The following PHLPP1 variants were observed in gnomAD, a reference collection of about 807,000 sequenced individuals.
The protein encoded by PHLPP1 is PH domain leucine-rich repeat-containing protein phosphatase 1.
In PHLPP1, 42 loss-of-function variants were observed where a neutral mutation model predicts 117.2. That is an observed-to-expected ratio of 0.36 (90% CI 0.28 to 0.46). The LOEUF is 0.46. PHLPP1 is among the 20% of genes least tolerant of loss of function. The pLI is 1.00. For synonymous variants in PHLPP1, 1,042 were observed against 970.7 expected (o/e 1.07, Z -1.37); for missense variants, 2,084 against 2,241.9 (o/e 0.93, Z 1.42).
chr18:62,890,914 A>G (rs964459693), intron 4 of PHLPP1, among the ~76,000 whole-genome samples: 1 of 152,108 alleles, frequency 6.6e-6, no homozygotes, highest in African/African-American at 2.4e-5. Flanking sequence ...TCAAATGGGG[A>G]AAAATATCTA....
At chr18:62,964,055 C>T (rs1487374965) in intron 14 of PHLPP1, among the ~76,000 whole-genome samples, 2 of 151,958 alleles carry the variant, frequency 1.3e-5, no homozygotes, top group South Asian at 2.1e-4. Context: ...TTGATTTTTC[C>T]TGAAAAATGT....
At chr18:62,831,704 G>GT (rs1914762410) in intron 2 of PHLPP1, among the ~76,000 whole-genome samples, 1 of 152,202 alleles carries the variant, frequency 6.6e-6, no homozygotes, top group African/African-American at 2.4e-5. Flanking sequence ...AGTGAAGGAA[G>GT]TAAGACCACA....
intron 1 of PHLPP1, among the ~76,000 whole-genome samples, chr18:62,795,170 T>G (rs1212784522): frequency 6.6e-6 from 1 of 152,102 alleles, no homozygotes; most frequent in Non-Finnish European, 1.5e-5. Flanking sequence ...ACCCTCTAAA[T>G]TTTTTACTTT....
chr18:62,772,974 T>C (rs1202724380), intron 1 of PHLPP1, among the ~76,000 whole-genome samples: 2 of 150,294 alleles, frequency 1.3e-5, no homozygotes, highest in Non-Finnish European at 3.0e-5. Context: ...CAAAAAAAAC[T>C]CTAAAATTGA....
intron 3 of PHLPP1, among the ~76,000 whole-genome samples, chr18:62,849,520 G>A (rs529696795): frequency 4.0e-5 from 6 of 151,528 alleles, no homozygotes; most frequent in African/African-American, 1.5e-4. Context: ...AATTAGCCAG[G>A]CATTGTGGCA....
chr18:62,751,181 AG>A (rs1336391649), intron 1 of PHLPP1, among the ~76,000 whole-genome samples: 3 of 152,228 alleles, frequency 2.0e-5, no homozygotes, highest in Non-Finnish European at 4.4e-5. Context: ...CTTATTCATA[AG>A]CCTAGTTGGC....
chr18:62,821,117 G>T (rs756585109), intron 1 of PHLPP1, among the ~76,000 whole-genome samples: 9 of 152,156 alleles, frequency 5.9e-5, no homozygotes, highest in Non-Finnish European at 1.2e-4. Context: ...GCAGTGTTTA[G>T]AAAGAAGAGA....
rs775671899 is a variant in PHLPP1 at position 62,895,884 on chromosome 18, A to G, written c.2317A>G (p.Thr773Ala). Reference protein sequence around the residue: ...SYLGLSFNEFTDIPEVLEKLT... With the variant: ...SYLGLSFNEFADIPEVLEKLT... ...TCTGGGTCTTTCTTTCAATGAATTT[A>G]CTGACATTCCCGAAGTATTGGAGAA... The change falls in exon 6 of 17, where the codon ACT becomes GCT. Residue 773 changes from threonine (T) to alanine (A), a missense_variant. By Grantham distance (58) the Thr-to-Ala change is moderately conservative. Transcript: ENST00000262719. 5.0e-6 allele frequency: 8 copies of G among 1,612,876 alleles called. No individual in the cohort carries two copies. The highest frequency in any genetic ancestry group is 1.3e-5 in the African/African-American group (1 of 74,910).
chr18:62,767,834 A>G (rs1481106989), intron 1 of PHLPP1, among the ~76,000 whole-genome samples: 1 of 152,232 alleles, frequency 6.6e-6, no homozygotes, highest in Non-Finnish European at 1.5e-5. Context: ...ATAGAGTACA[A>G]TAGCAGAAAA....
intron 3 of PHLPP1, among the ~76,000 whole-genome samples, chr18:62,854,437 C>T (rs1396354994): frequency 6.6e-6 from 1 of 152,226 alleles, no homozygotes; most frequent in Non-Finnish European, 1.5e-5. Flanking sequence ...TGGGGATTCA[C>T]CCCTCCTCGG....
At chr18:62,777,976 A>G (rs183592257) in intron 1 of PHLPP1, among the ~76,000 whole-genome samples, 165 of 152,184 alleles carry the variant, frequency 1.1e-3, no homozygotes, top group Non-Finnish European at 1.9e-3. Flanking sequence ...ATAACTGTCA[A>G]TTTCCCAAGA....
At chr18:62,845,505 C>CA (rs1193908840) in intron 3 of PHLPP1, among the ~76,000 whole-genome samples, 3 of 152,172 alleles carry the variant, frequency 2.0e-5, no homozygotes. Context: ...TGCTTAGAAA[C>CA]AGTGTCTTAC....
At chr18:62,896,800 G>A (rs1040469806) in intron 6 of PHLPP1, among the ~76,000 whole-genome samples, 1 of 152,024 alleles carries the variant, frequency 6.6e-6, no homozygotes, top group Non-Finnish European at 1.5e-5. Context: ...CCTTTCATAT[G>A]GTTCAGCCTA....
chr18:62,719,213 T>A (rs553652042), intron 1 of PHLPP1, among the ~76,000 whole-genome samples: 1 of 152,184 alleles, frequency 6.6e-6, no homozygotes, highest in Non-Finnish European at 1.5e-5. Context: ...TCCACCCTAT[T>A]CTTGAACATG....
intron 4 of PHLPP1, among the ~76,000 whole-genome samples, chr18:62,886,427 C>T (rs537485583): frequency 2.6e-5 from 4 of 152,274 alleles, no homozygotes; most frequent in Admixed American, 2.6e-4. Flanking sequence ...GTGCACACCA[C>T]CACACCCAAC....
intron 1 of PHLPP1, among the ~76,000 whole-genome samples, chr18:62,792,708 A>C (rs1913497603): frequency 6.6e-6 from 1 of 151,714 alleles, no homozygotes; most frequent in South Asian, 2.1e-4. Context: ...CCATCTTTAC[A>C]AAAAATTTAT....
chr18:62,852,478 G>A (rs1469562084), intron 3 of PHLPP1, among the ~76,000 whole-genome samples: 1 of 152,086 alleles, frequency 6.6e-6, no homozygotes, highest in African/African-American at 2.4e-5. Context: ...CGAGTAGCTG[G>A]GACTACAGGC....
chr18:62,849,149 G>A (rs893951881), intron 3 of PHLPP1, among the ~76,000 whole-genome samples: 1 of 152,110 alleles, frequency 6.6e-6, no homozygotes, highest in Non-Finnish European at 1.5e-5. Context: ...ATGACCAAGA[G>A]TTATTTAAGA....
chr18:62,792,864 G>C, intron 1 of PHLPP1, among the ~76,000 whole-genome samples: 1 of 107,698 alleles, frequency 9.3e-6, no homozygotes, highest in African/African-American at 4.1e-5. Flanking sequence ...GCGAGCCTCT[G>C]TCTCAAAAAA....
Sources: gnomAD v4.1 joint callset for allele counts (sites outside exome capture counted in the v4.1 genomes callset) on GRCh38, gnomAD v4.1.1 for gene constraint, MANE v1.5 for transcripts, NCBI Gene and HGNC (gene_info 2026-07-23, HGNC 2026-07-21) for gene names.